The following MAGI1 variants were observed in gnomAD, a reference collection of about 807,000 sequenced individuals.
MAGI1 encodes membrane-associated guanylate kinase, WW and PDZ domain-containing protein 1.
In MAGI1, 58 loss-of-function variants were observed where a neutral mutation model predicts 139.9. The observed-to-expected ratio is 0.41, with a 90% CI of 0.34 to 0.52. MAGI1 has a LOEUF of 0.52. Among genes scored for constraint, MAGI1 ranks in the 20% least tolerant of loss-of-function variants. The pLI is 0.12. For missense variants in MAGI1, 1,874 were observed against 1,901.6 expected, an observed-to-expected ratio of 0.99 and a Z score of 0.27; for synonymous variants, 812 against 737.9, an observed-to-expected ratio of 1.10 and a Z score of -1.63.
chr3:65,381,099 G>A (rs974103691), intron 16 of MAGI1, among the ~76,000 whole-genome samples: 2 of 152,102 alleles, frequency 1.3e-5, no homozygotes, highest in Admixed American at 6.5e-5. Flanking sequence ...TTCAAGGTGG[G>A]AGCTGCATCC....
intron 1 of MAGI1, among the ~76,000 whole-genome samples, chr3:65,669,875 C>A (rs961418382): frequency 6.6e-6 from 1 of 152,110 alleles, no homozygotes; most frequent in African/African-American, 2.4e-5. Flanking sequence ...TGTTGTCGGT[C>A]CCTTTCAATT....
intron 2 of MAGI1, among the ~76,000 whole-genome samples, chr3:65,507,865 G>C (rs1199785075): frequency 1.3e-5 from 2 of 151,162 alleles, no homozygotes; most frequent in Non-Finnish European, 2.9e-5. Context: ...CAGTCTCATT[G>C]TTAAGCCAAA....
intron 2 of MAGI1, among the ~76,000 whole-genome samples, chr3:65,574,492 C>T (rs1917524): frequency 0.37 from 56,197 of 150,378 alleles, 11,855 homozygotes; most frequent in East Asian, 0.62. Flanking sequence ...AAAATCTACC[C>T]TATTCATGGG....
At chr3:65,456,913 T>A (rs138898194) in intron 5 of MAGI1, among the ~76,000 whole-genome samples, 97 of 152,342 alleles carry the variant, frequency 6.4e-4, no homozygotes, top group African/African-American at 2.3e-3. Context: ...TAACACACAG[T>A]CTTTATTATT....
chr3:65,934,765 G>GTT (rs1217371754), intron 1 of MAGI1, among the ~76,000 whole-genome samples: 5 of 137,896 alleles, frequency 3.6e-5, no homozygotes, highest in South Asian at 2.4e-4. Context: ...AGAAAAAGTT[G>GTT]TTGTTTTTTT....
intron 1 of MAGI1, among the ~76,000 whole-genome samples, chr3:65,777,769 C>T (rs1243357515): frequency 6.6e-6 from 1 of 152,070 alleles, no homozygotes; most frequent in Non-Finnish European, 1.5e-5. Flanking sequence ...GACTGCAGTG[C>T]TGTGTAATTT....
intron 1 of MAGI1, among the ~76,000 whole-genome samples, chr3:65,739,972 C>G (rs1401972998): frequency 1.5e-5 from 2 of 137,170 alleles, no homozygotes; most frequent in Admixed American, 7.8e-5. Context: ...TTGGGCAATG[C>G]AAAGTTGCCA....
At chr3:65,781,140 G>A (rs1401827148) in intron 1 of MAGI1, among the ~76,000 whole-genome samples, 4 of 152,014 alleles carry the variant, frequency 2.6e-5, no homozygotes, top group South Asian at 2.1e-4. Flanking sequence ...AGGCTGCAGA[G>A]AGCCAAGATC....
chr3:65,820,237 A>G (rs1489769102), intron 1 of MAGI1, among the ~76,000 whole-genome samples: 1 of 152,126 alleles, frequency 6.6e-6, no homozygotes, highest in Admixed American at 6.6e-5. Context: ...TTCAGCTTGC[A>G]CTGCATAGAA....
chr3:65,814,956 C>G (rs1202660923), intron 1 of MAGI1, among the ~76,000 whole-genome samples: 1 of 152,134 alleles, frequency 6.6e-6, no homozygotes, highest in Non-Finnish European at 1.5e-5. Context: ...ATGAATGAAG[C>G]TCATAAAATT....
intron 1 of MAGI1, among the ~76,000 whole-genome samples, chr3:65,757,629 C>A (rs986085172): frequency 1.3e-5 from 2 of 152,168 alleles, no homozygotes; most frequent in African/African-American, 2.4e-5. Context: ...CAGAGCCAGA[C>A]TTCATCTCAA....
intron 2 of MAGI1, among the ~76,000 whole-genome samples, chr3:65,543,612 G>A (rs1220588868): frequency 2.0e-5 from 3 of 152,184 alleles, no homozygotes; most frequent in Admixed American, 2.0e-4. Context: ...ACACATGGAT[G>A]AAGCTGGAAA....
chr3:65,840,444 T>C (rs1050559580), intron 1 of MAGI1, among the ~76,000 whole-genome samples: 3 of 152,234 alleles, frequency 2.0e-5, no homozygotes, highest in African/African-American at 7.2e-5. Flanking sequence ...CTTCTATTCA[T>C]ACTTTCCTGA....
In MAGI1 at chr3:65,478,444, T is replaced by C. The variant is rs1951032603; in HGVS notation, c.757+148A>G. ...AGAAGACCAGGGAAAGGACCATCTC[T>C]TCTGCAAGCACTGTGTGGTCCAAGT... On this transcript the variant is annotated intron_variant, in intron 4 of 22. Transcript: ENST00000402939. 5 of 705,282 alleles carry C rather than the reference T, an allele frequency of 7.1e-6. No individual in the cohort carries two copies. In the Admixed American group the frequency reaches 1.1e-4, roughly 15 times the overall value. 43.7% of individuals were successfully genotyped at this position (705,282 alleles called of 1,614,324 possible).
At chr3:65,588,517 G>T (rs867103394) in intron 2 of MAGI1, among the ~76,000 whole-genome samples, 1 of 152,162 alleles carries the variant, frequency 6.6e-6, no homozygotes, top group Middle Eastern at 3.2e-3. Flanking sequence ...TTTCAATCTA[G>T]GCAATGTAGA....
intron 1 of MAGI1, among the ~76,000 whole-genome samples, chr3:65,710,019 C>A (rs913414642): frequency 6.6e-6 from 1 of 152,156 alleles, no homozygotes; most frequent in Non-Finnish European, 1.5e-5. Flanking sequence ...GTGAAATGTG[C>A]CACATAAAGC....
chr3:65,569,466 T>C (rs930770131), intron 2 of MAGI1, among the ~76,000 whole-genome samples: 26 of 152,146 alleles, frequency 1.7e-4, no homozygotes, highest in Admixed American at 7.9e-4. Flanking sequence ...ATAAAAAAGA[T>C]TGAAAAAACC....
chr3:65,988,239 G>C (rs2107335218), intron 1 of MAGI1, among the ~76,000 whole-genome samples: 1 of 151,408 alleles, frequency 6.6e-6, no homozygotes, highest in East Asian at 2.0e-4. Context: ...CATTTGTGTT[G>C]GTGACATCCT....
At chr3:65,802,647 T>C (rs1417604787) in intron 1 of MAGI1, among the ~76,000 whole-genome samples, 1 of 152,204 alleles carries the variant, frequency 6.6e-6, no homozygotes, top group East Asian at 1.9e-4. Flanking sequence ...CCATCTTTCT[T>C]TTGTTCATTC....
Sources: allele counts gnomAD v4.1 joint callset (sites outside exome capture counted in the v4.1 genomes callset), GRCh38; gene constraint gnomAD v4.1.1; transcripts MANE v1.5; gene names NCBI Gene and HGNC (gene_info 2026-07-23, HGNC 2026-07-21).